The following AKAP13 variants were observed in gnomAD, a reference collection of about 807,000 sequenced individuals.
AKAP13 encodes A-kinase anchoring protein 13, also known as A-kinase anchor protein 13.
In AKAP13, 80 loss-of-function variants were observed where a neutral mutation model predicts 264.5. That is an observed-to-expected ratio of 0.30 (90% CI 0.25 to 0.36). The LOEUF (loss-of-function observed/expected upper bound fraction) is 0.36, where lower values mean the gene tolerates loss of function less well. Among genes scored for constraint, AKAP13 ranks in the 10% least tolerant of loss-of-function variants. AKAP13 has a pLI of 1.00. For synonymous variants in AKAP13, 1,380 were observed against 1,250.2 expected, an observed-to-expected ratio of 1.10 and a Z score of -2.19; for missense variants, 3,712 against 3,435.2, an observed-to-expected ratio of 1.08 and a Z score of -2.01.
At chr15:85,490,333 A>G (rs2075686718) in intron 2 of AKAP13, among the ~76,000 whole-genome samples, 1 of 152,196 alleles carries the variant, frequency 6.6e-6, no homozygotes. Flanking sequence ...TATAGAGAAG[A>G]AGGAGATGAT....
chr15:85,661,716 C>T (rs1211524505), intron 12 of AKAP13, among the ~76,000 whole-genome samples: 5 of 151,954 alleles, frequency 3.3e-5, no homozygotes, highest in Admixed American at 6.6e-5. Context: ...AGTGAAACTC[C>T]GTCTTGGGGG....
chr15:85,743,763 C>G lies in AKAP13; in HGVS notation c.8330C>G (p.Thr2777Arg), dbSNP rs1332169127. The change falls in exon 36 of 37, where the codon ACA (threonine) becomes AGA (arginine). Residue 2777 changes from threonine to arginine, a missense_variant. This residue lies in a region of AKAP13 where 611 missense variants were observed against 539.3 expected (regional missense o/e 1.13). Coordinates refer to ENST00000394518, the MANE Select transcript of AKAP13 (RefSeq NM_007200.5). Reference sequence around the variant, plus strand: ...GCCTCTACCCGCCTGTTTGGGTTAACAAAGCCAAAGGAAAAGAAGGAGAAA... The same window carrying G: ...GCCTCTACCCGCCTGTTTGGGTTAAGAAAGCCAAAGGAAAAGAAGGAGAAA... ...TSASTRLFGLTKPKEKKEKKK... is the reference protein window; with the variant it reads ...TSASTRLFGLRKPKEKKEKKK... 3 of 1,613,744 alleles carry G rather than the reference C, an allele frequency of 1.9e-6. No individual in the cohort carries two copies. The highest frequency in any genetic ancestry group is 1.3e-5 in the African/African-American group (1 of 74,926).
chr15:85,463,858 A>C (rs2074621169), intron 1 of AKAP13, among the ~76,000 whole-genome samples: 1 of 151,200 alleles, frequency 6.6e-6, no homozygotes, highest in Non-Finnish European at 1.5e-5. Flanking sequence ...GCTAGGAGTC[A>C]GTTGGTAATG....
chr15:85,744,408 G>A (rs2089296451), intron 36 of AKAP13: 1 of 550,404 alleles, frequency 1.8e-6, no homozygotes. Context: ...ATAAATTCTA[G>A]TGATTATTTA....
chr15:85,648,396 G>C (rs2151496964), intron 10 of AKAP13, among the ~76,000 whole-genome samples: 1 of 152,216 alleles, frequency 6.6e-6, no homozygotes, highest in South Asian at 2.1e-4. Context: ...AGTTACTTCT[G>C]GTCACTTAAT....
At chr15:85,623,805 T>C (rs547518006) in intron 8 of AKAP13, among the ~76,000 whole-genome samples, 1 of 152,392 alleles carries the variant, frequency 6.6e-6, no homozygotes, top group East Asian at 1.9e-4. Flanking sequence ...TCTCCTTTTC[T>C]TGATGCATGC....
In AKAP13 at chr15:85,748,016, TTAG is replaced by T. The variant is rs2089420109; in HGVS notation, c.*3343_*3345del. On this transcript the variant is annotated 3_prime_UTR_variant, in exon 37 of 37. Coordinates refer to ENST00000394518, the MANE Select transcript of AKAP13 (RefSeq NM_007200.5). ...AGGGTTGAACTAGATAGACCCTGCCTTAGTAGAGGGTGGGACTATAACCTTAGA... is the reference window on the plus strand; with the variant it reads ...AGGGTTGAACTAGATAGACCCTGCCTTAGAGGGTGGGACTATAACCTTAGA... 6.6e-6 allele frequency: 1 copy of T among 152,382 alleles called. No homozygotes were observed. The highest frequency in any genetic ancestry group is 6.5e-5 in the Admixed American group (1 of 15,270). 9.4% of individuals were successfully genotyped at this position (152,382 alleles called of 1,614,324 possible).
intron 1 of AKAP13, among the ~76,000 whole-genome samples, chr15:85,442,464 CATAATATATATTATATAATATAT>C (rs1169847430): frequency 1.9e-4 from 16 of 84,480 alleles, no homozygotes; most frequent in Middle Eastern, 0.012. Context: ...ATATAATATA[CATAATATATATTATATAATATAT>C]ATAATATATA....
chr15:85,640,248 C>T (rs760610910), intron 9 of AKAP13, among the ~76,000 whole-genome samples: 10 of 152,140 alleles, frequency 6.6e-5, no homozygotes, highest in Admixed American at 6.5e-5. Flanking sequence ...GCCTGTTCTA[C>T]GACTGCTAAG....
chr15:85,401,280 T>C (rs1344776883), intron 1 of AKAP13, among the ~76,000 whole-genome samples: 2 of 141,814 alleles, frequency 1.4e-5, no homozygotes, highest in East Asian at 4.1e-4. Flanking sequence ...CACCCAGTTT[T>C]TTATGTAGTA....
At chr15:85,487,109 A>T (rs1317555253) in intron 2 of AKAP13, among the ~76,000 whole-genome samples, 1 of 152,196 alleles carries the variant, frequency 6.6e-6, no homozygotes, top group Non-Finnish European at 1.5e-5. Context: ...CTGAAACTAT[A>T]GCCTTGTGTC....
intron 2 of AKAP13, among the ~76,000 whole-genome samples, chr15:85,489,109 C>T (rs562990365): frequency 2.4e-4 from 37 of 152,258 alleles, no homozygotes; most frequent in African/African-American, 8.4e-4. Flanking sequence ...CATGAGGAAA[C>T]GAGGTCTGAA....
At position 85,658,523 on chromosome 15, in the gene AKAP13, C is replaced by T. The variant is rs2083201700; in HGVS notation, c.4746-14C>T. 6.2e-7 allele frequency: 1 copy of T among 1,613,362 alleles called. No homozygotes were observed. Among genetic ancestry groups the T allele is most frequent in the Non-Finnish European group, 8.5e-7 (1 of 1,179,630 alleles). On this transcript the variant is annotated splice_polypyrimidine_tract_variant and intron_variant, in intron 11 of 36. Coordinates refer to ENST00000394518, the MANE Select transcript of AKAP13 (RefSeq NM_007200.5). ...TTCACCTGCAACACTGACCTCTTCA[C>T]CATTCATTTTCAGTTCAATGCGAGT...
chr15:85,447,230 G>A (rs2073931522), intron 1 of AKAP13, among the ~76,000 whole-genome samples: 1 of 152,060 alleles, frequency 6.6e-6, no homozygotes, highest in African/African-American at 2.4e-5. Context: ...TTGCACCAGT[G>A]CATTCCAGCC....
At chr15:85,665,702 C>T (rs369447266) in intron 13 of AKAP13, among the ~76,000 whole-genome samples, 66 of 152,080 alleles carry the variant, frequency 4.3e-4, no homozygotes, top group African/African-American at 1.4e-3. Flanking sequence ...CAACAGGCCC[C>T]GGTGTGTGAT....
chr15:85,632,269 G>T (rs566425754), intron 8 of AKAP13, among the ~76,000 whole-genome samples: 2 of 152,268 alleles, frequency 1.3e-5, no homozygotes, highest in Admixed American at 1.3e-4. Context: ...TAAGCCCTAT[G>T]CAGGCAACAC....
chr15:85,449,899 C>G (rs926230877), intron 1 of AKAP13, among the ~76,000 whole-genome samples: 1 of 152,004 alleles, frequency 6.6e-6, no homozygotes, highest in Non-Finnish European at 1.5e-5. Context: ...AGTATTTCTG[C>G]TAGGTTTTGG....
At chr15:85,570,957 TG>T (rs1216847586) in intron 5 of AKAP13, among the ~76,000 whole-genome samples, 3 of 150,974 alleles carry the variant, frequency 2.0e-5, no homozygotes, top group African/African-American at 7.3e-5. Context: ...TTGTTGTTGT[TG>T]TTTTTTTTTT....
intron 11 of AKAP13, among the ~76,000 whole-genome samples, chr15:85,656,161 T>G (rs1043344816): frequency 6.6e-6 from 1 of 152,202 alleles, no homozygotes; most frequent in Admixed American, 6.5e-5. Context: ...TCATGTCAAC[T>G]TTGAATTAAG....
Sources: gnomAD v4.1 joint callset for allele counts (sites outside exome capture counted in the v4.1 genomes callset) on GRCh38, gnomAD v4.1.1 for gene constraint, gnomAD v4.1.1 regional missense constraint, MANE v1.5 for transcripts, NCBI Gene and HGNC (gene_info 2026-07-23, HGNC 2026-07-21) for gene names.